PTGES3: variants seen among roughly 807,000 people sequenced by gnomAD.
PTGES3 encodes the protein prostaglandin E synthase 3.
Under a neutral mutation model 29.9 loss-of-function variants are expected in PTGES3, and 5 were observed. The observed-to-expected ratio is 0.17, with a 90% confidence interval of 0.09 to 0.35. The LOEUF (loss-of-function observed/expected upper bound fraction) is 0.35. Among genes scored for constraint, PTGES3 ranks in the 10% least tolerant of loss-of-function variants. The pLI is 1.00. For synonymous variants in PTGES3, 49 were observed against 57.8 expected (o/e 0.85, Z 0.69); for missense variants, 128 against 190.0 (o/e 0.67, Z 1.92).
At chr12:56,676,920 C>CA (rs34739170) in intron 1 of PTGES3, among the ~76,000 whole-genome samples, 1,535 of 50,514 alleles carry the variant, frequency 0.03, 353 homozygotes, top group Non-Finnish European at 0.035. Flanking sequence ...GATTCCGACT[C>CA]AAAAAAAAAA....
intron 7 of PTGES3, 129 bp from the exon 8 acceptor site, chr12:56,664,627 A>C: frequency 7.3e-7 from 1 of 1,374,058 alleles, no homozygotes; most frequent in Non-Finnish European, 1.0e-6. Flanking sequence ...TTGTCTTGCT[A>C]TCAAGTTATT....
chr12:56,678,176 T>C (rs751524365), intron 1 of PTGES3, among the ~76,000 whole-genome samples: 88 of 152,164 alleles, frequency 5.8e-4, no homozygotes, highest in Non-Finnish European at 1.1e-3. Flanking sequence ...ATAGGTATTT[T>C]TAATTTATTT....
At position 56,685,800 on chromosome 12, in the gene PTGES3, G is replaced by A. The variant is rs1165422092; in HGVS notation, c.2+2198C>T. The stretch of plus-strand genomic sequence containing the variant: ...TTTTTTTTTTTTTTTTTTTTGAGAC[G>A]GAGTCTCCCTCTATTGCCCAGGCTG... On this transcript the variant is annotated intron_variant, in intron 1 of 7. Transcript: ENST00000262033. Among the ~76,000 whole-genome samples the A allele has an allele frequency of 3.4e-5, 4 of 116,098 alleles. No homozygotes were observed. In the South Asian group the frequency reaches 8.4e-4, roughly 24 times the overall value. The allele number at this position is 116,098 out of a possible 152,430, so 76.2% of individuals were successfully genotyped here. A position where few individuals can be genotyped will look rare whatever the true frequency, so the allele number is the denominator to read the frequency against.
intron 1 of PTGES3, among the ~76,000 whole-genome samples, chr12:56,683,473 C>CAAAAAAAAAAAAA (rs71081388): frequency 0.015 from 454 of 29,746 alleles, 125 homozygotes; most frequent in East Asian, 0.022. Context: ...AACTCTGTCT[C>CAAAAAAAAAAAAA]AAAAAAAAAA....
intron 1 of PTGES3, among the ~76,000 whole-genome samples, chr12:56,679,202 G>A (rs1952409649): frequency 6.6e-6 from 1 of 152,068 alleles, no homozygotes; most frequent in Non-Finnish European, 1.5e-5. Context: ...TGGAGGCCAG[G>A]AGTTCAAACC....
chr12:56,687,673 C>T (rs886812745), intron 1 of PTGES3: 2 of 1,263,186 alleles, frequency 1.6e-6, no homozygotes, highest in Non-Finnish European at 1.0e-6. Flanking sequence ...CAGGGCGCCG[C>T]ATGGCGAGCA....
At chr12:56,684,089 C>T (rs1269197905) in intron 1 of PTGES3, among the ~76,000 whole-genome samples, 1 of 151,896 alleles carries the variant, frequency 6.6e-6, no homozygotes, top group Non-Finnish European at 1.5e-5. Flanking sequence ...ATTTTTTGAG[C>T]TCACGTAAAT....
rs777621222 is a variant in PTGES3 at position 56,672,975 on chromosome 12, A to G, written c.93T>C (p.Phe31=). The change falls in exon 2 of 8, where the codon TTT becomes TTC. Residue 31 remains phenylalanine, a synonymous_variant. Coordinates refer to ENST00000262033, the MANE Select transcript of PTGES3 (RefSeq NM_006601.7). ...VEDSKDVNVN[F]EKSKLTFSCL... ...ACCTGAATGTAAGTTTGGATTTTTC[A>G]AAATTTACATTAACATCCTTACTGT... 1.9e-6 allele frequency: 3 copies of G among 1,604,102 alleles called. No individual in the cohort carries two copies. Among genetic ancestry groups the G allele is most frequent in the African/African-American group, 1.3e-5 (1 of 74,494 alleles).
At chr12:56,679,363 G>A (rs534243890) in intron 1 of PTGES3, among the ~76,000 whole-genome samples, 103 of 123,346 alleles carry the variant, frequency 8.4e-4, no homozygotes, top group African/African-American at 2.9e-3. Context: ...GCTGAGATGT[G>A]CCCCTGCTGC....
intron 5 of PTGES3, among the ~76,000 whole-genome samples, chr12:56,666,629 G>A (rs1951797827): frequency 6.6e-6 from 1 of 151,234 alleles, no homozygotes; most frequent in Admixed American, 6.6e-5. Context: ...CATGTATTAA[G>A]GTATTCTTTT....
chr12:56,687,501 A>C, intron 1 of PTGES3: 1 of 996,500 alleles, frequency 1.0e-6, no homozygotes, highest in Non-Finnish European at 1.2e-6. Flanking sequence ...CAGTACCTGC[A>C]GCTCACGGCG....
At chr12:56,665,432 T>C in intron 6 of PTGES3, 6 of 875,474 alleles carry the variant, frequency 6.9e-6, no homozygotes, top group Non-Finnish European at 8.2e-6. Flanking sequence ...GTAGCTGGGA[T>C]TACAGGCACC....
chr12:56,676,846 C>T (rs1454916116), intron 1 of PTGES3, among the ~76,000 whole-genome samples: 1 of 126,706 alleles, frequency 7.9e-6, no homozygotes, highest in Non-Finnish European at 1.6e-5. Context: ...TCCTTGAACC[C>T]GGTGGTGGAG....
intron 1 of PTGES3, among the ~76,000 whole-genome samples, chr12:56,683,472 T>TAAAAAAAAAAAA (rs1242672329): frequency 1.6e-4 from 1 of 6,074 alleles, no homozygotes; most frequent in African/African-American, 7.4e-4. Flanking sequence ...AAACTCTGTC[T>TAAAAAAAAAAAA]CAAAAAAAAA....
intron 1 of PTGES3, among the ~76,000 whole-genome samples, chr12:56,682,591 C>G (rs1213464649): frequency 1.3e-5 from 2 of 151,740 alleles, no homozygotes; most frequent in Non-Finnish European, 2.9e-5. Context: ...ACCGCAAGTT[C>G]AAAGGTATAC....
In PTGES3 at chr12:56,665,798, G is replaced by A. The variant is rs552664470; in HGVS notation, c.438+406C>T. On this transcript the variant is annotated intron_variant, in intron 6 of 7. Transcript: ENST00000262033. Reference sequence around the variant, plus strand: ...TGGGATTACAGGCACCTGCCATCATGTCTGGCTAAGTTTTTAAGACAGGGT... The same window carrying A: ...TGGGATTACAGGCACCTGCCATCATATCTGGCTAAGTTTTTAAGACAGGGT... 5.9e-5 allele frequency: 40 copies of A among 682,090 alleles called. No individual in the cohort carries two copies. In the South Asian group the frequency reaches 1.4e-3, roughly 23 times the overall value. The allele number at this position is 682,090 out of a possible 1,614,324, so 42.3% of individuals were successfully genotyped here.
At position 56,683,473 on chromosome 12, in the gene PTGES3, C is replaced by CAAAAAA. The variant is rs71081388; in HGVS notation, c.2+4519_2+4524dup. ...GGGCAACAAGAGAGAAACTCTGTCTCAAAAAAAAAAAAAAAAAAAAAAAAA... is the reference window on the plus strand; with the variant it reads ...GGGCAACAAGAGAGAAACTCTGTCTCAAAAAAAAAAAAAAAAAAAAAAAAAAAAAAA... On this transcript the variant is annotated intron_variant, in intron 1 of 7. Coordinates refer to ENST00000262033, the MANE Select transcript of PTGES3 (RefSeq NM_006601.7). Among the ~76,000 whole-genome samples, 181 of 29,758 alleles carry CAAAAAA rather than the reference C, an allele frequency of 6.1e-3. 39 individuals are homozygous for CAAAAAA. The highest frequency in any genetic ancestry group is 0.056 in the Middle Eastern group (1 of 18). The allele number at this position is 29,758 out of a possible 152,430, so 19.5% of individuals were successfully genotyped here.
At position 56,670,363 on chromosome 12, in the gene PTGES3, A is replaced by G. The variant is rs146309298; in HGVS notation, c.287T>C (p.Leu96Pro). 13 of 1,604,192 alleles carry G rather than the reference A, an allele frequency of 8.1e-6. No individual in the cohort carries two copies. In the East Asian group the frequency reaches 2.9e-4, roughly 36 times the overall value. ...WPRLTKERAKLNWLSVDFNNW... is the reference protein window; with the variant it reads ...WPRLTKERAKPNWLSVDFNNW... ...ATTGAAGTCGACACTAAGCCAATTA[A>G]GCTATAAATCAATACAAATATCACC... is the stretch of plus-strand genomic sequence containing the variant. The change falls in exon 5 of 8, where the codon CTT (leucine) becomes CCT (proline). Residue 96 changes from leucine (L) to proline (P), a missense_variant and splice_region_variant. By Grantham distance (98) the Leu-to-Pro change is moderately conservative. Transcript: ENST00000262033.
chr12:56,664,571 A>G, intron 7 of PTGES3, 73 bp from the exon 8 acceptor site: 1 of 1,506,720 alleles, frequency 6.6e-7, no homozygotes, highest in Non-Finnish European at 9.0e-7. Flanking sequence ...CTTAAAGGAA[A>G]AGCAACCAAA....
Sources: gnomAD v4.1 joint callset for allele counts (sites outside exome capture counted in the v4.1 genomes callset) on GRCh38, gnomAD v4.1.1 for gene constraint, MANE v1.5 for transcripts, NCBI Gene and HGNC (gene_info 2026-07-23, HGNC 2026-07-21) for gene names.